DPYD: variants seen among roughly 807,000 people sequenced by gnomAD.
The protein encoded by DPYD is dihydropyrimidine dehydrogenase.
A neutral mutation model predicts 116.2 loss-of-function variants in DPYD; 109 were observed. The observed-to-expected ratio is 0.94, with a 90% CI of 0.80 to 1.10. The LOEUF is 1.10. DPYD is among the 50% of genes least tolerant of loss of function. The pLI is 0.00. For missense variants in DPYD, 1,302 were observed against 1,254.5 expected, an observed-to-expected ratio of 1.04 and a Z score of -0.57; for synonymous variants, 440 against 432.0, an observed-to-expected ratio of 1.02 and a Z score of -0.23.
intron 4 of DPYD, among the ~76,000 whole-genome samples, chr1:97,738,508 T>G (rs1424296891): frequency 6.6e-6 from 1 of 152,100 alleles, no homozygotes; most frequent in Non-Finnish European, 1.5e-5. Context: ...AGTCTGGCGA[T>G]TCAATTACCC....
intron 13 of DPYD, among the ~76,000 whole-genome samples, chr1:97,512,521 T>C (rs994193307): frequency 1.3e-5 from 2 of 151,872 alleles, no homozygotes; most frequent in Admixed American, 6.6e-5. Context: ...CAGTTTCATG[T>C]TACAGATTTG....
At chr1:97,313,590 A>G (rs1667642640) in intron 16 of DPYD, among the ~76,000 whole-genome samples, 1 of 151,550 alleles carries the variant, frequency 6.6e-6, no homozygotes, top group Non-Finnish European at 1.5e-5. Context: ...CTCCCCAAGC[A>G]CATAGCCTTC....
At chr1:97,425,671 G>A (rs544287840) in intron 14 of DPYD, among the ~76,000 whole-genome samples, 3 of 152,156 alleles carry the variant, frequency 2.0e-5, no homozygotes, top group African/African-American at 7.2e-5. Flanking sequence ...AGCCAGAAAA[G>A]TACATCTGAC....
Position 97,651,573 on chromosome 1 carries a change from T to C in DPYD, c.850+27522A>G, listed in dbSNP as rs967445372. 2.6e-4 allele frequency among the ~76,000 whole-genome samples: 38 copies of C among 148,128 alleles called. 1 individual carries two copies. The highest frequency in any genetic ancestry group is 5.1e-4 in the Non-Finnish European group (34 of 66,600). Reference sequence around the variant, plus strand: ...AGAAAAGGCACTTCATTTTGAGTTCTGACTTTCATCTTTCATTCACTGGTT... The same window carrying C: ...AGAAAAGGCACTTCATTTTGAGTTCCGACTTTCATCTTTCATTCACTGGTT... On this transcript the variant is annotated intron_variant, in intron 8 of 22. Coordinates refer to ENST00000370192, the MANE Select transcript of DPYD (RefSeq NM_000110.4).
chr1:97,231,570 G>A (rs1051533041), intron 19 of DPYD, among the ~76,000 whole-genome samples: 1 of 152,052 alleles, frequency 6.6e-6, no homozygotes, highest in Non-Finnish European at 1.5e-5. Context: ...GAAAGCACAG[G>A]AAAGACCTGC....
At chr1:97,685,547 C>T (rs768121857) in intron 7 of DPYD, among the ~76,000 whole-genome samples, 18 of 152,208 alleles carry the variant, frequency 1.2e-4, no homozygotes, top group Non-Finnish European at 2.2e-4. Flanking sequence ...AAGAGGAAGT[C>T]GAACTGCCTG....
At chr1:97,395,365 T>TA (rs1672952904) in intron 14 of DPYD, among the ~76,000 whole-genome samples, 1 of 151,914 alleles carries the variant, frequency 6.6e-6, no homozygotes, top group African/African-American at 2.4e-5. Flanking sequence ...TCACATACAT[T>TA]ATCTCATTTA....
intron 18 of DPYD, among the ~76,000 whole-genome samples, 156 bp downstream of exon 18, chr1:97,305,103 A>G (rs527942345): frequency 2.6e-5 from 4 of 152,088 alleles, no homozygotes; most frequent in African/African-American, 9.6e-5. Context: ...TTGAGCTTTC[A>G]TATTCAATCC....
chr1:97,184,445 T>C (rs1657860239), intron 20 of DPYD, among the ~76,000 whole-genome samples: 1 of 152,162 alleles, frequency 6.6e-6, no homozygotes, highest in African/African-American at 2.4e-5. Context: ...TTTGAGTTTT[T>C]ATTAATAACC....
At chr1:97,314,112 A>G (rs1470235418) in intron 16 of DPYD, among the ~76,000 whole-genome samples, 1 of 151,920 alleles carries the variant, frequency 6.6e-6, no homozygotes. Flanking sequence ...TCAGTGAGCT[A>G]AAATACTTGG....
chr1:97,475,710 T>A, intron 13 of DPYD, among the ~76,000 whole-genome samples: 1 of 152,166 alleles, frequency 6.6e-6, no homozygotes, highest in East Asian at 1.9e-4. Context: ...TATGTTCCAG[T>A]AAGGCTTTAT....
chr1:97,720,446 T>A (rs1452674230), intron 5 of DPYD: 1 of 991,222 alleles, frequency 1.0e-6, no homozygotes, highest in Admixed American at 6.1e-5. Context: ...GTAAGCCTAA[T>A]GCAATTTTGA....
At chr1:97,578,812 A>G (rs1248636276) in intron 10 of DPYD, among the ~76,000 whole-genome samples, 1 of 152,160 alleles carries the variant, frequency 6.6e-6, no homozygotes, top group East Asian at 1.9e-4. Flanking sequence ...ATCATGAAAT[A>G]TAGGAACCAC....
At chr1:97,791,281 C>T (rs1298444431) in intron 3 of DPYD, among the ~76,000 whole-genome samples, 1 of 152,094 alleles carries the variant, frequency 6.6e-6, no homozygotes, top group South Asian at 2.1e-4. Flanking sequence ...CATACATTTC[C>T]AAATGTCCTC....
At chr1:97,560,381 G>T (rs185149903) in intron 11 of DPYD, among the ~76,000 whole-genome samples, 1 of 152,036 alleles carries the variant, frequency 6.6e-6, no homozygotes, top group African/African-American at 2.4e-5. Flanking sequence ...TCAATGAACC[G>T]TAAAAAGGTG....
At chr1:97,236,560 G>A (rs989325088) in intron 18 of DPYD, among the ~76,000 whole-genome samples, 8 of 152,124 alleles carry the variant, frequency 5.3e-5, no homozygotes, top group Non-Finnish European at 1.2e-4. Flanking sequence ...AGGAGCGAAC[G>A]GGAGGGATAA....
At chr1:97,648,155 T>C (rs557428009) in intron 8 of DPYD, among the ~76,000 whole-genome samples, 1 of 152,112 alleles carries the variant, frequency 6.6e-6, no homozygotes, top group East Asian at 1.9e-4. Context: ...GGTCTGGCAA[T>C]CAGAAAACCA....
chr1:97,527,500 T>C (rs2102011345), intron 12 of DPYD, among the ~76,000 whole-genome samples: 1 of 152,184 alleles, frequency 6.6e-6, no homozygotes, highest in Middle Eastern at 3.4e-3. Flanking sequence ...ACACACACAT[T>C]GAAAAATCTT....
chr1:97,620,630 A>G (rs529535088), intron 8 of DPYD, among the ~76,000 whole-genome samples: 1 of 152,300 alleles, frequency 6.6e-6, no homozygotes, highest in South Asian at 2.1e-4. Flanking sequence ...TTTCAGATAA[A>G]TTACAATTTC....
Sources: allele counts gnomAD v4.1 joint callset (sites outside exome capture counted in the v4.1 genomes callset), GRCh38; gene constraint gnomAD v4.1.1; transcripts MANE v1.5; gene names NCBI Gene and HGNC (gene_info 2026-07-23, HGNC 2026-07-21).